Variants in PTPRD observed in about 807,000 individuals in gnomAD.
The protein encoded by PTPRD is receptor-type tyrosine-protein phosphatase delta.
A neutral mutation model predicts 214.5 loss-of-function variants in PTPRD; 34 were observed. That is an observed-to-expected ratio of 0.16 (90% CI 0.12 to 0.21). The LOEUF (loss-of-function observed/expected upper bound fraction) is 0.21, where lower values mean the gene tolerates loss of function less well. PTPRD is among the 10% of genes least tolerant of loss of function. PTPRD has a pLI of 1.00. For missense variants in PTPRD, 2,545 were observed against 2,398.7 expected (o/e 1.06, Z -1.27); for synonymous variants, 1,128 against 845.7 (o/e 1.33, Z -5.79).
At chr9:9,195,847 G>T (rs1398071141) in intron 9 of PTPRD, among the ~76,000 whole-genome samples, 2 of 152,060 alleles carry the variant, frequency 1.3e-5, no homozygotes, top group Non-Finnish European at 2.9e-5. Context: ...CTAAAAAGTA[G>T]GGGTGAAAAC....
chr9:8,848,887 C>A (rs1268025787), intron 11 of PTPRD, among the ~76,000 whole-genome samples: 1 of 139,956 alleles, frequency 7.1e-6, no homozygotes, highest in African/African-American at 2.6e-5. Flanking sequence ...CTGACTTACA[C>A]AGAATGTTAT....
At chr9:9,333,503 ATTATATATATAT>A (rs1224726375) in intron 9 of PTPRD, among the ~76,000 whole-genome samples, 4 of 103,518 alleles carry the variant, frequency 3.9e-5, no homozygotes, top group African/African-American at 1.5e-4. Flanking sequence ...TATATAGTAT[ATTATATATATAT>A]ATATATATAT....
chr9:9,603,233 G>C (rs2093909753), intron 7 of PTPRD, among the ~76,000 whole-genome samples: 1 of 152,026 alleles, frequency 6.6e-6, no homozygotes, highest in Non-Finnish European at 1.5e-5. Context: ...GCTTTATGTT[G>C]TCCATACTAG....
intron 11 of PTPRD, among the ~76,000 whole-genome samples, chr9:8,985,891 T>A (rs73437889): frequency 0.018 from 2,798 of 152,238 alleles, 83 homozygotes; most frequent in African/African-American, 0.063. Context: ...AAATATCCAC[T>A]GAAAAACAAA....
intron 8 of PTPRD, among the ~76,000 whole-genome samples, chr9:9,550,792 A>G (rs891428994): frequency 8.6e-5 from 13 of 151,938 alleles, no homozygotes; most frequent in Non-Finnish European, 1.5e-4. Flanking sequence ...AGCAAAAGAC[A>G]TGAACAGACA....
chr9:9,428,839 T>A (rs966359024), intron 8 of PTPRD, among the ~76,000 whole-genome samples: 2 of 152,188 alleles, frequency 1.3e-5, no homozygotes, highest in Non-Finnish European at 2.9e-5. Context: ...GAAATAAAGA[T>A]GTTCTTTGAA....
chr9:9,733,145 G>A (rs1354030195), intron 7 of PTPRD, among the ~76,000 whole-genome samples: 1 of 152,124 alleles, frequency 6.6e-6, no homozygotes, highest in Non-Finnish European at 1.5e-5. Flanking sequence ...CTGTGGGCTG[G>A]TTAAAGTTAT....
At chr9:9,490,711 CA>C (rs140149104) in intron 8 of PTPRD, among the ~76,000 whole-genome samples, 4,264 of 151,610 alleles carry the variant, frequency 0.028, 91 homozygotes, top group Non-Finnish European at 0.044. Flanking sequence ...ACAAAGAAAG[CA>C]GCTATAAAAT....
intron 2 of PTPRD, among the ~76,000 whole-genome samples, chr9:10,419,690 G>T (rs2154515308): frequency 6.6e-6 from 1 of 151,772 alleles, no homozygotes; most frequent in East Asian, 2.0e-4. Flanking sequence ...CTTATGAAGT[G>T]CCAATGAAGA....
At chr9:9,294,368 A>C (rs1952265148) in intron 9 of PTPRD, among the ~76,000 whole-genome samples, 1 of 151,768 alleles carries the variant, frequency 6.6e-6, no homozygotes, top group Admixed American at 6.6e-5. Flanking sequence ...TATTAGGCTA[A>C]TATGAGTTCA....
In PTPRD at chr9:9,567,152, C is replaced by A. The variant is rs565998019; in HGVS notation, c.-237+7580G>T. 3.9e-5 allele frequency among the ~76,000 whole-genome samples: 6 copies of A among 152,002 alleles called. No homozygotes were observed. The East Asian group carries it at 1.2e-3, about 29-fold the overall frequency. On this transcript the variant is annotated intron_variant, in intron 8 of 45. Transcript: ENST00000381196. Reference sequence around the variant, plus strand: ...CTGCATAAGGAGTGTGGCATTTGAGCTGAAATTTGAAGGAATGAAGGAATA... The same window carrying A: ...CTGCATAAGGAGTGTGGCATTTGAGATGAAATTTGAAGGAATGAAGGAATA...
chr9:9,727,885 T>C (rs965325018), intron 7 of PTPRD, among the ~76,000 whole-genome samples: 1 of 152,152 alleles, frequency 6.6e-6, no homozygotes, highest in African/African-American at 2.4e-5. Flanking sequence ...TTGAATAAAC[T>C]TTATAGAGGT....
chr9:9,360,664 A>C (rs1181407407), intron 9 of PTPRD, among the ~76,000 whole-genome samples: 2 of 151,200 alleles, frequency 1.3e-5, no homozygotes, highest in African/African-American at 2.4e-5. Context: ...TATCAAAATT[A>C]ATATGTAAAG....
intron 9 of PTPRD, among the ~76,000 whole-genome samples, chr9:9,236,733 T>A (rs11789623): frequency 0.14 from 20,699 of 151,796 alleles, 1,643 homozygotes; most frequent in Middle Eastern, 0.24. Context: ...CTCCGTCTAT[T>A]GGGGCATTTT....
chr9:8,408,154 T>C (rs1052522291), intron 35 of PTPRD, among the ~76,000 whole-genome samples: 1 of 152,202 alleles, frequency 6.6e-6, no homozygotes, highest in African/African-American at 2.4e-5. Context: ...AAGAGCAATG[T>C]AGACCCTGAG....
chr9:9,765,935 T>C (rs905149880), intron 6 of PTPRD, among the ~76,000 whole-genome samples: 2 of 152,234 alleles, frequency 1.3e-5, no homozygotes, highest in African/African-American at 4.8e-5. Flanking sequence ...GTGCTGGGAT[T>C]ACAGGCGTGA....
intron 3 of PTPRD, among the ~76,000 whole-genome samples, chr9:10,136,425 T>G (rs2098944180): frequency 6.6e-6 from 1 of 152,120 alleles, no homozygotes; most frequent in African/African-American, 2.4e-5. Flanking sequence ...AACCGCAAAG[T>G]ACACAGTCTT....
intron 5 of PTPRD, among the ~76,000 whole-genome samples, chr9:9,936,649 T>C (rs1421381901): frequency 1.5e-5 from 2 of 132,302 alleles, no homozygotes; most frequent in African/African-American, 6.5e-5. Flanking sequence ...AGTTCAACCA[T>C]TGTGGAAGTC....
chr9:9,351,901 G>A (rs570584410), intron 9 of PTPRD, among the ~76,000 whole-genome samples: 4 of 152,018 alleles, frequency 2.6e-5, no homozygotes, highest in East Asian at 2.0e-4. Context: ...TGGACTATAT[G>A]AGGATTACAT....
Sources: gnomAD v4.1 joint callset for allele counts (sites outside exome capture counted in the v4.1 genomes callset) on GRCh38, gnomAD v4.1.1 for gene constraint, MANE v1.5 for transcripts, NCBI Gene and HGNC (gene_info 2026-07-23, HGNC 2026-07-21) for gene names.